The following SHISA9 variants were observed in gnomAD, a reference collection of about 807,000 sequenced individuals.
SHISA9 encodes shisa family member 9, also known as protein shisa-9.
In SHISA9, 13 loss-of-function variants were observed where a neutral mutation model predicts 38.0. The ratio of observed to expected loss-of-function variants is 0.34; its 90% CI spans 0.22 to 0.54. The LOEUF is 0.54. Ranked by LOEUF, SHISA9 falls within the 20% of genes least tolerant of loss-of-function variation. SHISA9 has a pLI of 0.91. For missense variants in SHISA9, 538 were observed against 575.8 expected, an observed-to-expected ratio of 0.93 and a Z score of 0.67; for synonymous variants, 275 against 242.0, an observed-to-expected ratio of 1.14 and a Z score of -1.27.
chr16:13,549,692 T>C, the SHISA9 span, among the ~76,000 whole-genome samples: 1 of 151,666 alleles, frequency 6.6e-6, no homozygotes, highest in Non-Finnish European at 1.5e-5. Flanking sequence ...ACTGTAGAAG[T>C]GGGGAGTATT....
the SHISA9 span, among the ~76,000 whole-genome samples, chr16:13,445,975 A>C: frequency 1.3e-5 from 2 of 151,694 alleles, no homozygotes; most frequent in Non-Finnish European, 2.9e-5. Context: ...ACAGAGTCTC[A>C]CTCTGTTGCT....
the SHISA9 span, among the ~76,000 whole-genome samples, chr16:13,386,116 T>C: frequency 6.6e-6 from 1 of 152,116 alleles, no homozygotes; most frequent in Non-Finnish European, 1.5e-5. Context: ...TAGAGCTAAA[T>C]AGACACACAC....
chr16:13,488,591 C>T, the SHISA9 span, among the ~76,000 whole-genome samples: 1 of 152,168 alleles, frequency 6.6e-6, no homozygotes, highest in African/African-American at 2.4e-5. Flanking sequence ...TACAGTATTT[C>T]ATATGGCAAC....
the SHISA9 span, among the ~76,000 whole-genome samples, chr16:13,547,884 C>A: frequency 6.6e-6 from 1 of 151,808 alleles, no homozygotes; most frequent in African/African-American, 2.4e-5. Context: ...TAGTATAGAA[C>A]CACAAAAGAC....
chr16:13,544,001 C>T, the SHISA9 span, among the ~76,000 whole-genome samples: 1 of 152,052 alleles, frequency 6.6e-6, no homozygotes, highest in African/African-American at 2.4e-5. Flanking sequence ...GGGGAAGTCA[C>T]GTGCCTAAAA....
chr16:12,980,389 C>T (rs2072224858), intron 2 of SHISA9, among the ~76,000 whole-genome samples: 1 of 152,124 alleles, frequency 6.6e-6, no homozygotes, highest in African/African-American at 2.4e-5. Context: ...CTATTTTTCT[C>T]ATTTGATTAT....
chr16:13,287,716 G>A, the SHISA9 span, among the ~76,000 whole-genome samples: 1 of 152,110 alleles, frequency 6.6e-6, no homozygotes, highest in South Asian at 2.1e-4. Flanking sequence ...GCATAGACTG[G>A]ATCACAAAAA....
intron 2 of SHISA9, among the ~76,000 whole-genome samples, chr16:13,026,430 TCC>T (rs1206084039): frequency 6.6e-6 from 1 of 152,250 alleles, no homozygotes; most frequent in Non-Finnish European, 1.5e-5. Flanking sequence ...TGAATACTAT[TCC>T]ATTGTATGAC....
chr16:13,221,299 A>G (rs561218232), intron 4 of SHISA9, among the ~76,000 whole-genome samples: 5 of 152,082 alleles, frequency 3.3e-5, no homozygotes, highest in African/African-American at 4.8e-5. Context: ...CAAATCTTCC[A>G]TCTACTCCCT....
At chr16:13,547,060 G>A in the SHISA9 span, among the ~76,000 whole-genome samples, 4 of 152,148 alleles carry the variant, frequency 2.6e-5, no homozygotes, top group South Asian at 2.1e-4. Flanking sequence ...TGAATACTTC[G>A]GAGATATCAT....
At chr16:13,048,601 TA>T (rs1467977012) in intron 2 of SHISA9, among the ~76,000 whole-genome samples, 1 of 152,182 alleles carries the variant, frequency 6.6e-6, no homozygotes, top group Non-Finnish European at 1.5e-5. Context: ...TTTGTATTTT[TA>T]ATAGAAATAG....
intron 2 of SHISA9, among the ~76,000 whole-genome samples, chr16:13,011,007 C>T (rs1433567498): frequency 6.6e-6 from 1 of 152,060 alleles, no homozygotes; most frequent in African/African-American, 2.4e-5. Context: ...TGAATGGGAT[C>T]CTTCCTCTCC....
chr16:12,902,046 G>T lies in SHISA9; in HGVS notation c.-19G>T. On this transcript the variant is annotated 5_prime_UTR_variant, in exon 1 of 5. Coordinates refer to ENST00000558583, the MANE Select transcript of SHISA9 (RefSeq NM_001145204.3). Reference sequence around the variant, plus strand: ...GCTCCAGCGGCGGCCGAGCGGCCGAGCCCGGGCTGGGAGACACCATGCGCC... The same window carrying T: ...GCTCCAGCGGCGGCCGAGCGGCCGATCCCGGGCTGGGAGACACCATGCGCC... 1.4e-6 allele frequency: 2 copies of T among 1,453,942 alleles called. No homozygotes were observed. Among genetic ancestry groups the T allele is most frequent in the South Asian group, 2.7e-5 (2 of 74,890 alleles). The allele number at this position is 1,453,942 out of a possible 1,614,324, so 90.1% of individuals were successfully genotyped here.
chr16:13,349,721 CA>C, the SHISA9 span, among the ~76,000 whole-genome samples: 1 of 152,146 alleles, frequency 6.6e-6, no homozygotes, highest in South Asian at 2.1e-4. Flanking sequence ...GCTATTAAAT[CA>C]GTGATGTGTC....
At chr16:13,517,898 A>G in the SHISA9 span, among the ~76,000 whole-genome samples, 1 of 152,172 alleles carries the variant, frequency 6.6e-6, no homozygotes, top group South Asian at 2.1e-4. Flanking sequence ...CCACCATGCA[A>G]GGTGGAGAAT....
chr16:13,092,555 C>T (rs904235737), intron 2 of SHISA9, among the ~76,000 whole-genome samples: 2 of 152,238 alleles, frequency 1.3e-5, no homozygotes, highest in African/African-American at 4.8e-5. Context: ...AGCCAGGCTG[C>T]CACCTCACAT....
At chr16:13,031,929 A>G (rs1234091901) in intron 2 of SHISA9, among the ~76,000 whole-genome samples, 1 of 152,196 alleles carries the variant, frequency 6.6e-6, no homozygotes, top group South Asian at 2.1e-4. Context: ...ACACACCTCA[A>G]ACATCTGCCA....
intron 2 of SHISA9, among the ~76,000 whole-genome samples, chr16:13,199,484 T>C (rs1033423034): frequency 2.0e-5 from 3 of 152,198 alleles, no homozygotes; most frequent in Non-Finnish European, 4.4e-5. Context: ...CAGACAACAA[T>C]TGCCTTAGTC....
intron 2 of SHISA9, among the ~76,000 whole-genome samples, chr16:12,966,240 C>G (rs1395296392): frequency 6.6e-6 from 1 of 152,192 alleles, no homozygotes; most frequent in Non-Finnish European, 1.5e-5. Flanking sequence ...TATGATTTTG[C>G]TCACCTAGGG....
Sources: gnomAD v4.1 joint callset for allele counts (sites outside exome capture counted in the v4.1 genomes callset) on GRCh38, gnomAD v4.1.1 for gene constraint, MANE v1.5 for transcripts, NCBI Gene and HGNC (gene_info 2026-07-23, HGNC 2026-07-21) for gene names.